FOXP2: variants seen among roughly 807,000 people sequenced by gnomAD.
FOXP2 encodes the protein forkhead box P2.
In FOXP2, 12 loss-of-function variants were observed where a neutral mutation model predicts 115.8. The ratio of observed to expected loss-of-function variants is 0.10; its 90% CI spans 0.07 to 0.17. The LOEUF (loss-of-function observed/expected upper bound fraction) is 0.17, where lower values mean the gene tolerates loss of function less well. Ranked by LOEUF, FOXP2 falls within the 10% of genes least tolerant of loss-of-function variation. The pLI is 1.00. For synonymous variants in FOXP2, 328 were observed against 297.7 expected, an observed-to-expected ratio of 1.10 and a Z score of -1.05; for missense variants, 629 against 843.5, an observed-to-expected ratio of 0.75 and a Z score of 3.15.
chr7:114,557,211 T>C (rs891755759), intron 3 of FOXP2, among the ~76,000 whole-genome samples: 1 of 152,206 alleles, frequency 6.6e-6, no homozygotes, highest in Non-Finnish European at 1.5e-5. Context: ...TTTGAAATAT[T>C]CAGAATATAG....
intron 2 of FOXP2, among the ~76,000 whole-genome samples, chr7:114,372,198 C>A (rs971315398): frequency 3.3e-5 from 5 of 152,162 alleles, no homozygotes; most frequent in African/African-American, 1.2e-4. Flanking sequence ...ACAAAAATAT[C>A]TGTCCTGTTC....
At chr7:114,662,316 A>G in intron 14 of FOXP2, 130 bp downstream of exon 14, 1 of 1,264,498 alleles carries the variant, frequency 7.9e-7, no homozygotes. Flanking sequence ...AATGAACTGC[A>G]TTTTGAATCT....
chr7:114,517,889 T>G (rs1798422527), intron 2 of FOXP2, among the ~76,000 whole-genome samples: 1 of 152,156 alleles, frequency 6.6e-6, no homozygotes, highest in African/African-American at 2.4e-5. Context: ...TGATAGCAAT[T>G]GTATTGAATC....
At chr7:114,110,058 G>A (rs1054568209) in intron 1 of FOXP2, among the ~76,000 whole-genome samples, 17 of 152,086 alleles carry the variant, frequency 1.1e-4, no homozygotes, top group African/African-American at 4.1e-4. Flanking sequence ...CTCCCCTAGT[G>A]GAAAATCTCT....
At chr7:114,200,799 G>A (rs757442214) in intron 1 of FOXP2, among the ~76,000 whole-genome samples, 7 of 151,994 alleles carry the variant, frequency 4.6e-5, no homozygotes, top group Non-Finnish European at 7.4e-5. Flanking sequence ...CTATTACGAC[G>A]TCTATCACTC....
intron 1 of FOXP2, among the ~76,000 whole-genome samples, chr7:114,245,829 T>A (rs959434523): frequency 6.6e-6 from 1 of 150,810 alleles, no homozygotes; most frequent in African/African-American, 2.5e-5. Flanking sequence ...CAGAAAAAAA[T>A]TTTTAAGTTC....
At chr7:114,224,882 A>T (rs1794709498) in intron 1 of FOXP2, among the ~76,000 whole-genome samples, 1 of 152,122 alleles carries the variant, frequency 6.6e-6, no homozygotes, top group South Asian at 2.1e-4. Flanking sequence ...ATAAGATAAG[A>T]GAAGCTCTAT....
intron 1 of FOXP2, among the ~76,000 whole-genome samples, chr7:114,248,517 G>A (rs1795349772): frequency 6.6e-6 from 1 of 152,164 alleles, no homozygotes; most frequent in African/African-American, 2.4e-5. Flanking sequence ...CCTTGTGACT[G>A]GAAAATTTGA....
chr7:114,480,611 A>G (rs1796485086), intron 2 of FOXP2, among the ~76,000 whole-genome samples: 1 of 150,276 alleles, frequency 6.7e-6, no homozygotes, highest in Non-Finnish European at 1.5e-5. Flanking sequence ...ATATACATAT[A>G]TAAACATATA....
chr7:114,446,921 G>GT (rs1195465931), intron 2 of FOXP2, among the ~76,000 whole-genome samples: 4 of 150,768 alleles, frequency 2.7e-5, no homozygotes, highest in Admixed American at 6.6e-5. Flanking sequence ...GCTAATTTTT[G>GT]TTTTTTTTAG....
chr7:114,385,951 A>T (rs886213213), intron 2 of FOXP2, among the ~76,000 whole-genome samples: 1 of 152,212 alleles, frequency 6.6e-6, no homozygotes, highest in Non-Finnish European at 1.5e-5. Flanking sequence ...TTATAGCTCT[A>T]TTAGAAGCCG....
intron 1 of FOXP2, among the ~76,000 whole-genome samples, chr7:114,195,553 T>C (rs1415508654): frequency 6.6e-6 from 1 of 152,192 alleles, no homozygotes; most frequent in East Asian, 1.9e-4. Context: ...AGTTCATTCA[T>C]CCACTAATTT....
chr7:114,441,097 T>G (rs1480418571), intron 2 of FOXP2, among the ~76,000 whole-genome samples: 1 of 152,170 alleles, frequency 6.6e-6, no homozygotes, highest in Non-Finnish European at 1.5e-5. Flanking sequence ...TTTATCCATG[T>G]GTACATAAGT....
chr7:114,185,916 G>A (rs984967548), intron 1 of FOXP2, among the ~76,000 whole-genome samples: 2 of 152,094 alleles, frequency 1.3e-5, no homozygotes. Flanking sequence ...TGGAGCCTGG[G>A]AAATACACTA....
intron 2 of FOXP2, among the ~76,000 whole-genome samples, chr7:114,328,233 CTTT>C (rs1193894946): frequency 1.5e-5 from 2 of 129,590 alleles, no homozygotes; most frequent in African/African-American, 2.9e-5. Flanking sequence ...CTTTTCTTTT[CTTT>C]TTTTTTTTTT....
At chr7:114,163,563 A>C (rs967996306) in intron 1 of FOXP2, among the ~76,000 whole-genome samples, 1 of 152,158 alleles carries the variant, frequency 6.6e-6, no homozygotes, top group East Asian at 1.9e-4. Context: ...AATTGAACTG[A>C]ATTTTTATCC....
chr7:114,631,790 A>T (rs1804938611), intron 6 of FOXP2, 85 bp downstream of exon 6: 2 of 1,465,548 alleles, frequency 1.4e-6, no homozygotes, highest in South Asian at 2.3e-5. Context: ...ACCTTGAGAA[A>T]TTTTGTTTTT....
chr7:114,271,643 AATT>A (rs942595913), intron 1 of FOXP2, among the ~76,000 whole-genome samples: 5 of 120,318 alleles, frequency 4.2e-5, no homozygotes, highest in East Asian at 4.3e-4. Flanking sequence ...TATAATTATT[AATT>A]ATTATAAATA....
At chr7:114,168,192 A>G (rs1793034006) in intron 1 of FOXP2, among the ~76,000 whole-genome samples, 1 of 152,162 alleles carries the variant, frequency 6.6e-6, no homozygotes, top group African/African-American at 2.4e-5. Flanking sequence ...CTGAAAAGTT[A>G]CCCAAAAATG....
Sources: allele counts gnomAD v4.1 joint callset (sites outside exome capture counted in the v4.1 genomes callset), GRCh38; gene constraint gnomAD v4.1.1; transcripts MANE v1.5; gene names NCBI Gene and HGNC (gene_info 2026-07-23, HGNC 2026-07-21).